Variants in KCNIP4 observed in about 807,000 individuals in gnomAD.
KCNIP4 encodes Kv channel-interacting protein 4.
In KCNIP4, 12 loss-of-function variants were observed where a neutral mutation model predicts 34.0. That is an observed-to-expected ratio of 0.35 (90% CI 0.23 to 0.57). The LOEUF (loss-of-function observed/expected upper bound fraction) is 0.57. Among genes scored for constraint, KCNIP4 ranks in the 20% least tolerant of loss-of-function variants. The pLI is 0.83. For missense variants in KCNIP4, 238 were observed against 311.7 expected (o/e 0.76, Z 1.78); for synonymous variants, 124 against 102.2 (o/e 1.21, Z -1.29).
chr4:21,570,402 C>T (rs551759690), intron 1 of KCNIP4, among the ~76,000 whole-genome samples: 2 of 152,106 alleles, frequency 1.3e-5, no homozygotes, highest in South Asian at 2.1e-4. Flanking sequence ...ATGGTGATTC[C>T]CTGATGTAGG....
intron 1 of KCNIP4, among the ~76,000 whole-genome samples, chr4:21,937,737 G>A (rs1317635762): frequency 6.6e-6 from 1 of 151,990 alleles, no homozygotes; most frequent in African/African-American, 2.4e-5. Flanking sequence ...GCCAGAAACT[G>A]AGAGTTGCTC....
intron 1 of KCNIP4, among the ~76,000 whole-genome samples, chr4:21,418,787 C>A (rs117231126): frequency 6.6e-6 from 1 of 152,146 alleles, no homozygotes; most frequent in African/African-American, 2.4e-5. Flanking sequence ...GTCAATCACC[C>A]TTTAACCTGG....
At chr4:21,886,860 G>C (rs929758682) in intron 1 of KCNIP4, among the ~76,000 whole-genome samples, 4 of 151,822 alleles carry the variant, frequency 2.6e-5, no homozygotes, top group Non-Finnish European at 5.9e-5. Flanking sequence ...TAAGATGTTC[G>C]TTATATTAGG....
chr4:21,371,051 G>A (rs1334025431), intron 1 of KCNIP4, among the ~76,000 whole-genome samples: 1 of 141,684 alleles, frequency 7.1e-6, no homozygotes, highest in African/African-American at 3.0e-5. Context: ...GGGGGTAGGG[G>A]TGAAGGTGGG....
intron 1 of KCNIP4, among the ~76,000 whole-genome samples, chr4:21,254,233 A>G (rs1032965143): frequency 6.6e-6 from 1 of 152,214 alleles, no homozygotes; most frequent in Non-Finnish European, 1.5e-5. Flanking sequence ...GTCATGGTCT[A>G]GAGTTTCAAA....
intron 1 of KCNIP4, among the ~76,000 whole-genome samples, chr4:21,352,296 G>A (rs768676373): frequency 2.6e-5 from 4 of 152,144 alleles, no homozygotes; most frequent in East Asian, 3.9e-4. Flanking sequence ...TGTAGCCCAC[G>A]GAGGGCAAGC....
intron 1 of KCNIP4, among the ~76,000 whole-genome samples, chr4:21,055,693 G>T (rs979945030): frequency 6.6e-6 from 1 of 152,086 alleles, no homozygotes; most frequent in Non-Finnish European, 1.5e-5. Context: ...AGTCTGAAAG[G>T]GTTGCATACT....
chr4:21,412,582 T>C (rs548214724), intron 1 of KCNIP4, among the ~76,000 whole-genome samples: 3 of 152,314 alleles, frequency 2.0e-5, no homozygotes, highest in African/African-American at 4.8e-5. Context: ...TTACTGGCAA[T>C]CAATTGCTTT....
chr4:21,155,246 T>A (rs929439182), intron 1 of KCNIP4, among the ~76,000 whole-genome samples: 2 of 152,192 alleles, frequency 1.3e-5, no homozygotes, highest in African/African-American at 4.8e-5. Flanking sequence ...TTTAAGCTAC[T>A]GTTACTTTGT....
At position 21,389,548 on chromosome 4, in the gene KCNIP4, C is replaced by T. The variant is rs186028638; in HGVS notation, c.62-506839G>A. On this transcript the variant is annotated intron_variant, in intron 1 of 8. Transcript: ENST00000382152. Reference sequence around the variant, plus strand: ...ATTCCCACCTATGAGTGAGAACATGCGGTGTTTGGTTTTTGTCCTGGCGAT... The same window carrying T: ...ATTCCCACCTATGAGTGAGAACATGTGGTGTTTGGTTTTTGTCCTGGCGAT... Among the ~76,000 whole-genome samples, 660 of 146,486 alleles carry T rather than the reference C, an allele frequency of 4.5e-3. 5 individuals are homozygous for T. Among genetic ancestry groups the T allele is most frequent in the African/African-American group, 0.015 (612 of 39,562 alleles).
chr4:21,663,466 TG>T (rs529387823), intron 1 of KCNIP4, among the ~76,000 whole-genome samples: 99 of 152,288 alleles, frequency 6.5e-4, no homozygotes, highest in Non-Finnish European at 1.1e-3. Context: ...AGATGCTCCC[TG>T]GCTGCTCAGA....
chr4:21,245,443 A>ATTTGCTTTTGC (rs2109060756), intron 1 of KCNIP4, among the ~76,000 whole-genome samples: 1 of 152,148 alleles, frequency 6.6e-6, no homozygotes, highest in Admixed American at 6.5e-5. Flanking sequence ...ACTGTGTTTC[A>ATTTGCTTTTGC]TTTGCTTTTG....
intron 1 of KCNIP4, among the ~76,000 whole-genome samples, chr4:21,242,163 C>CAAAAAAAAAAAAAA (rs11436478): frequency 5.4e-5 from 3 of 55,776 alleles, no homozygotes; most frequent in African/African-American, 1.7e-4. Flanking sequence ...AATTCTGTCT[C>CAAAAAAAAAAAAAA]AAAAAAAAAA....
chr4:20,827,808 C>A (rs1371054394), intron 3 of KCNIP4, among the ~76,000 whole-genome samples: 4 of 142,542 alleles, frequency 2.8e-5, no homozygotes, highest in African/African-American at 7.7e-5. Flanking sequence ...CCATCCCCCT[C>A]AAAAAAAAAA....
At chr4:21,622,976 GTATT>G in intron 1 of KCNIP4, among the ~76,000 whole-genome samples, 1 of 152,206 alleles carries the variant, frequency 6.6e-6, no homozygotes, top group African/African-American at 2.4e-5. Flanking sequence ...TTTTGTATAA[GTATT>G]TAACATTCAA....
At chr4:20,820,914 C>T (rs1020271556) in intron 3 of KCNIP4, among the ~76,000 whole-genome samples, 6 of 152,204 alleles carry the variant, frequency 3.9e-5, no homozygotes, top group Admixed American at 2.0e-4. Context: ...CTTGGCAGCA[C>T]CCACCTGGTG....
In KCNIP4 at chr4:21,273,497, G is replaced by T. The variant is rs189227056; in HGVS notation, c.62-390788C>A. 8.5e-5 allele frequency among the ~76,000 whole-genome samples: 13 copies of T among 152,244 alleles called. No homozygotes were observed. The East Asian group carries it at 2.5e-3, about 29-fold the overall frequency. ...TCTTTTAACAGTGACAGTGAGAAAT[G>T]ATGACTAGTAAAGGAATCGGGGGAG... On this transcript the variant is annotated intron_variant, in intron 1 of 8. Coordinates refer to ENST00000382152, the MANE Select transcript of KCNIP4 (RefSeq NM_025221.6).
intron 1 of KCNIP4, among the ~76,000 whole-genome samples, chr4:21,705,285 G>C (rs1713174968): frequency 6.6e-6 from 1 of 152,054 alleles, no homozygotes; most frequent in Non-Finnish European, 1.5e-5. Context: ...GAAGTCTTCT[G>C]TATCCTTATT....
At chr4:21,022,217 T>G (rs757320675) in intron 1 of KCNIP4, among the ~76,000 whole-genome samples, 1 of 152,202 alleles carries the variant, frequency 6.6e-6, no homozygotes, top group Non-Finnish European at 1.5e-5. Context: ...TCCAATTTTC[T>G]TAGTCATTCC....
Sources: gnomAD v4.1 joint callset for allele counts (sites outside exome capture counted in the v4.1 genomes callset) on GRCh38, gnomAD v4.1.1 for gene constraint, MANE v1.5 for transcripts, NCBI Gene and HGNC (gene_info 2026-07-23, HGNC 2026-07-21) for gene names.